Variants in GPC5 observed in about 807,000 individuals in gnomAD.
GPC5 encodes the protein glypican-5.
A neutral mutation model predicts 53.9 loss-of-function variants in GPC5; 47 were observed. The observed-to-expected ratio is 0.87, with a 90% CI of 0.69 to 1.11. The LOEUF (loss-of-function observed/expected upper bound fraction) is 1.11. GPC5 is among the 50% of genes most tolerant of loss of function. The pLI, the probability that GPC5 is intolerant of heterozygous loss-of-function variation, is 0.00. For synonymous variants in GPC5, 286 were observed against 263.3 expected (o/e 1.09, Z -0.84); for missense variants, 748 against 713.1 (o/e 1.05, Z -0.56).
chr13:92,066,437 A>G (rs1275449945), intron 6 of GPC5, among the ~76,000 whole-genome samples: 6 of 151,810 alleles, frequency 4.0e-5, no homozygotes, highest in Non-Finnish European at 5.9e-5. Flanking sequence ...AAACCTGAAA[A>G]AAAAAAAAAG....
intron 5 of GPC5, among the ~76,000 whole-genome samples, chr13:91,804,812 C>T (rs1854972): frequency 0.57 from 86,822 of 151,944 alleles, 25,508 homozygotes; most frequent in East Asian, 0.95. Context: ...TACAGTGAGA[C>T]TTTACTGGAG....
intron 7 of GPC5, among the ~76,000 whole-genome samples, chr13:92,165,519 A>T (rs1318854715): frequency 2.0e-5 from 3 of 152,148 alleles, no homozygotes; most frequent in Non-Finnish European, 4.4e-5. Context: ...AGGAGAGAGA[A>T]TGAGAGATGT....
At chr13:92,422,947 T>C (rs1221716500) in intron 7 of GPC5, among the ~76,000 whole-genome samples, 1 of 152,244 alleles carries the variant, frequency 6.6e-6, no homozygotes, top group East Asian at 1.9e-4. Context: ...CTTCAGGCTG[T>C]TTTAACAAAA....
intron 7 of GPC5, among the ~76,000 whole-genome samples, chr13:92,209,140 C>T (rs1407846715): frequency 6.6e-6 from 1 of 152,180 alleles, no homozygotes; most frequent in Non-Finnish European, 1.5e-5. Context: ...TATATTACAA[C>T]TTCCAATTAA....
intron 1 of GPC5, among the ~76,000 whole-genome samples, chr13:91,401,311 T>A (rs1876935457): frequency 6.6e-6 from 1 of 151,726 alleles, no homozygotes; most frequent in Non-Finnish European, 1.5e-5. Flanking sequence ...AAAAAACCCC[T>A]CAATCCCAAA....
intron 6 of GPC5, among the ~76,000 whole-genome samples, chr13:92,100,232 G>A (rs986916855): frequency 6.6e-6 from 1 of 152,074 alleles, no homozygotes; most frequent in Non-Finnish European, 1.5e-5. Context: ...GTGAAACCCT[G>A]TCTCTCCTAA....
intron 7 of GPC5, among the ~76,000 whole-genome samples, chr13:92,194,801 C>T (rs2042246232): frequency 6.6e-6 from 1 of 152,198 alleles, no homozygotes; most frequent in African/African-American, 2.4e-5. Flanking sequence ...AATGGTCTTT[C>T]TCCAACAACA....
intron 7 of GPC5, among the ~76,000 whole-genome samples, chr13:92,586,649 G>T (rs190109658): frequency 1.2e-3 from 188 of 152,278 alleles, no homozygotes; most frequent in Non-Finnish European, 2.0e-3. Flanking sequence ...ATTTATGGGT[G>T]GCCAATCTGT....
chr13:91,590,780 C>T (rs1045136034), intron 2 of GPC5, among the ~76,000 whole-genome samples: 3 of 152,138 alleles, frequency 2.0e-5, no homozygotes, highest in African/African-American at 7.2e-5. Flanking sequence ...TCTTCTCCCT[C>T]CAAGTCCTTG....
At chr13:91,762,463 T>C (rs1451404543) in intron 5 of GPC5, among the ~76,000 whole-genome samples, 1 of 152,134 alleles carries the variant, frequency 6.6e-6, no homozygotes, top group African/African-American at 2.4e-5. Flanking sequence ...TTAAAAACGA[T>C]CAGGTCTCAG....
intron 6 of GPC5, among the ~76,000 whole-genome samples, chr13:91,953,317 A>G (rs1021589179): frequency 2.0e-5 from 3 of 152,182 alleles, no homozygotes; most frequent in African/African-American, 7.2e-5. Context: ...GCTTCTTGGT[A>G]AGCCTGAGAA....
At chr13:92,682,424 C>T (rs1331008192) in intron 7 of GPC5, among the ~76,000 whole-genome samples, 1 of 152,160 alleles carries the variant, frequency 6.6e-6, no homozygotes, top group African/African-American at 2.4e-5. Flanking sequence ...AATATTCACA[C>T]TTGCTTATGT....
At chr13:91,921,381 C>CA (rs1340467915) in intron 6 of GPC5, among the ~76,000 whole-genome samples, 3 of 150,994 alleles carry the variant, frequency 2.0e-5, no homozygotes, top group South Asian at 4.2e-4. Flanking sequence ...TTTTCTAAGT[C>CA]AAAAAAAATT....
rs1464085302 is a variant in GPC5, at chr13:92,609,944, T to C, written c.1562-256338T>C. Among the ~76,000 whole-genome samples, 5 of 142,178 alleles carry C rather than the reference T, an allele frequency of 3.5e-5. No individual in the cohort carries two copies. In the East Asian group the frequency reaches 1.1e-3, roughly 30 times the overall value. The allele number at this position is 142,178 out of a possible 152,430, so 93.3% of individuals were successfully genotyped here. A position where few individuals can be genotyped will look rare whatever the true frequency, so the allele number is the denominator to read the frequency against. On this transcript the variant is annotated intron_variant, in intron 7 of 7. Transcript: ENST00000377067. ...TCCTCTGGAGGCTGAGGCAGGAGAA[T>C]AGCTTGAACTTGTGAGGTGGACATT...
intron 1 of GPC5, among the ~76,000 whole-genome samples, chr13:91,448,063 C>T (rs927965231): frequency 6.6e-6 from 1 of 152,168 alleles, no homozygotes; most frequent in Non-Finnish European, 1.5e-5. Context: ...GTAACCATAA[C>T]TCTTACATTT....
At chr13:91,483,221 C>T (rs1883400788) in intron 2 of GPC5, among the ~76,000 whole-genome samples, 1 of 152,228 alleles carries the variant, frequency 6.6e-6, no homozygotes, top group Middle Eastern at 3.4e-3. Flanking sequence ...AACGAGTTTT[C>T]CTCAATACCT....
intron 2 of GPC5, among the ~76,000 whole-genome samples, chr13:91,497,878 T>C (rs1390707173): frequency 6.6e-6 from 1 of 152,162 alleles, no homozygotes; most frequent in East Asian, 1.9e-4. Flanking sequence ...GCATGCAAGG[T>C]GTGATAATCA....
intron 1 of GPC5, among the ~76,000 whole-genome samples, chr13:91,436,368 G>A (rs915194534): frequency 6.6e-6 from 1 of 151,868 alleles, no homozygotes; most frequent in African/African-American, 2.4e-5. Flanking sequence ...ATGTGTCCCA[G>A]AGATTCTGGT....
chr13:92,789,952 A>G (rs968604161), intron 7 of GPC5, among the ~76,000 whole-genome samples: 3 of 152,158 alleles, frequency 2.0e-5, no homozygotes, highest in Admixed American at 1.3e-4. Flanking sequence ...AGCCCTTGGC[A>G]AACCACTGGT....
Sources: allele counts gnomAD v4.1 joint callset (sites outside exome capture counted in the v4.1 genomes callset), GRCh38; gene constraint gnomAD v4.1.1; transcripts MANE v1.5; gene names NCBI Gene and HGNC (gene_info 2026-07-23, HGNC 2026-07-21).